Variants in NCKAP5 observed in about 807,000 individuals in gnomAD.
The protein encoded by NCKAP5 is NCK associated protein 5.
NCKAP5 carries 92 observed loss-of-function variants against 167.0 expected under a neutral mutation model. That is an observed-to-expected ratio of 0.55 (90% confidence interval 0.47 to 0.66). NCKAP5 has a LOEUF of 0.66. NCKAP5 is among the 30% of genes least tolerant of loss of function. NCKAP5 has a pLI of 0.00. For synonymous variants in NCKAP5, 891 were observed against 877.4 expected, an observed-to-expected ratio of 1.02 and a Z score of -0.27; for missense variants, 2,378 against 2,315.0, an observed-to-expected ratio of 1.03 and a Z score of -0.56.
At chr2:133,353,347 A>G (rs1684492615) in intron 3 of NCKAP5, among the ~76,000 whole-genome samples, 1 of 152,174 alleles carries the variant, frequency 6.6e-6, no homozygotes, top group South Asian at 2.1e-4. Flanking sequence ...CTCTGCTCCC[A>G]GTTTTCCATA....
intron 3 of NCKAP5, among the ~76,000 whole-genome samples, chr2:133,367,437 A>G (rs1685523133): frequency 1.3e-5 from 2 of 152,232 alleles, no homozygotes; most frequent in Admixed American, 1.3e-4. Flanking sequence ...AAGCCAAAAA[A>G]GAAAATATAA....
chr2:133,031,337 A>G (rs555439489), intron 6 of NCKAP5, among the ~76,000 whole-genome samples: 1 of 152,202 alleles, frequency 6.6e-6, no homozygotes, highest in East Asian at 1.9e-4. Context: ...ATTCAGTGCT[A>G]TCTTGATAGA....
chr2:133,483,695 C>G (rs1041416186), intron 3 of NCKAP5, among the ~76,000 whole-genome samples: 3 of 151,646 alleles, frequency 2.0e-5, no homozygotes, highest in Non-Finnish European at 4.4e-5. Context: ...ACAATGGGTT[C>G]AAAAATAGAA....
At chr2:133,129,469 C>T (rs926506611) in intron 6 of NCKAP5, among the ~76,000 whole-genome samples, 1 of 152,164 alleles carries the variant, frequency 6.6e-6, no homozygotes, top group African/African-American at 2.4e-5. Flanking sequence ...TGTATATGTG[C>T]CACATTTTCT....
At chr2:132,764,177 A>G (rs1442323014) in intron 16 of NCKAP5, among the ~76,000 whole-genome samples, 2 of 152,254 alleles carry the variant, frequency 1.3e-5, no homozygotes, top group Non-Finnish European at 2.9e-5. Context: ...AAGCACTCAC[A>G]AGGAGCAAGC....
chr2:132,987,679 AGAG>A (rs566037305), intron 7 of NCKAP5, among the ~76,000 whole-genome samples: 288 of 152,280 alleles, frequency 1.9e-3, no homozygotes, highest in Non-Finnish European at 3.6e-3. Context: ...GGTGGGATAA[AGAG>A]GTAGAGAGAA....
chr2:133,451,620 T>C (rs573046482), intron 3 of NCKAP5, among the ~76,000 whole-genome samples: 30 of 152,200 alleles, frequency 2.0e-4, no homozygotes, highest in Non-Finnish European at 5.9e-5. Context: ...GACTTTCATG[T>C]GATTTTTGAG....
At chr2:133,297,246 C>A (rs1680034160) in intron 4 of NCKAP5, among the ~76,000 whole-genome samples, 1 of 151,210 alleles carries the variant, frequency 6.6e-6, no homozygotes, top group Admixed American at 6.6e-5. Flanking sequence ...GCAGATTAAA[C>A]TCACCCCGAC....
intron 4 of NCKAP5, among the ~76,000 whole-genome samples, chr2:133,232,256 AGCCT>A (rs1364303538): frequency 6.6e-6 from 1 of 152,226 alleles, no homozygotes; most frequent in African/African-American, 2.4e-5. Flanking sequence ...GTTCAAGGCC[AGCCT>A]GAACAACATG....
chr2:132,706,383 T>C (rs939930732), intron 19 of NCKAP5, among the ~76,000 whole-genome samples: 4 of 152,174 alleles, frequency 2.6e-5, no homozygotes, highest in Non-Finnish European at 5.9e-5. Flanking sequence ...AAAAGAGAGA[T>C]TTAGGTTTAG....
At chr2:133,118,498 A>G (rs2082152329) in intron 6 of NCKAP5, 2 of 152,216 alleles carry the variant, frequency 1.3e-5, no homozygotes, top group African/African-American at 4.8e-5. Context: ...GTCCATCAGA[A>G]ATAATACTTT....
At chr2:133,514,771 T>A (rs1202638881) in intron 3 of NCKAP5, among the ~76,000 whole-genome samples, 1 of 152,138 alleles carries the variant, frequency 6.6e-6, no homozygotes, top group Non-Finnish European at 1.5e-5. Flanking sequence ...TGGGATAGTA[T>A]ATAATGAAAG....
At chr2:132,737,894 C>T (rs1000780295) in intron 16 of NCKAP5, among the ~76,000 whole-genome samples, 1 of 152,214 alleles carries the variant, frequency 6.6e-6, no homozygotes, top group African/African-American at 2.4e-5. Context: ...CATGATTGCT[C>T]TTATTCTACA....
At chr2:132,985,306 C>T (rs148457911) in intron 7 of NCKAP5, among the ~76,000 whole-genome samples, 4 of 152,078 alleles carry the variant, frequency 2.6e-5, no homozygotes, top group Middle Eastern at 3.4e-3. Context: ...TTTTAAATTC[C>T]GGAGAAGAAT....
chr2:132,779,432 C>A (rs190975153), intron 15 of NCKAP5, among the ~76,000 whole-genome samples: 64 of 152,162 alleles, frequency 4.2e-4, no homozygotes, highest in Non-Finnish European at 6.3e-4. Context: ...GAATTTCCAG[C>A]ATATTGCACA....
intron 5 of NCKAP5, among the ~76,000 whole-genome samples, chr2:133,146,342 T>C (rs1251837101): frequency 6.6e-6 from 1 of 151,812 alleles, no homozygotes; most frequent in Non-Finnish European, 1.5e-5. Context: ...CTAGATAAAA[T>C]GGGAGGAGGG....
At position 133,341,688 on chromosome 2, in the gene NCKAP5, C is replaced by T. The variant is rs918653821; in HGVS notation, c.70-38578G>A. Among the ~76,000 whole-genome samples, 8 of 152,194 alleles carry T rather than the reference C, an allele frequency of 5.3e-5. 1 individual carries two copies. The East Asian group carries it at 1.3e-3, about 26-fold the overall frequency. Reference sequence around the variant, plus strand: ...CCAGCTGTTAAGTAAAGTAGCACAGCACCCATGACACTTAACCATGCTAGA... The same window carrying T: ...CCAGCTGTTAAGTAAAGTAGCACAGTACCCATGACACTTAACCATGCTAGA... On this transcript the variant is annotated intron_variant, in intron 3 of 19. Coordinates refer to ENST00000409261, the MANE Select transcript of NCKAP5 (RefSeq NM_207363.3).
rs550633089 is a variant in NCKAP5, at chr2:133,138,272, T to G, written c.208-8161A>C. Among the ~76,000 whole-genome samples, 3 of 152,326 alleles carry G rather than the reference T, an allele frequency of 2.0e-5. No individual in the cohort carries two copies. The South Asian group carries it at 6.2e-4, about 32-fold the overall frequency. Reference sequence around the variant, plus strand: ...CAAAGGTCTGGCACGTGGAGATTGATATGCACTATAAAGTCATGGTGGAAA... The same window carrying G: ...CAAAGGTCTGGCACGTGGAGATTGAGATGCACTATAAAGTCATGGTGGAAA... On this transcript the variant is annotated intron_variant, in intron 5 of 19. Transcript: ENST00000409261.
chr2:133,047,528 AAT>A (rs2079443945), intron 6 of NCKAP5, among the ~76,000 whole-genome samples: 9 of 152,196 alleles, frequency 5.9e-5, no homozygotes, highest in Admixed American at 5.9e-4. Flanking sequence ...AACTTTTGAA[AAT>A]ATATGCTATC....
Sources: gnomAD v4.1 joint callset for allele counts (sites outside exome capture counted in the v4.1 genomes callset) on GRCh38, gnomAD v4.1.1 for gene constraint, MANE v1.5 for transcripts, NCBI Gene and HGNC (gene_info 2026-07-23, HGNC 2026-07-21) for gene names.